The following MITF variants were observed in gnomAD, a reference collection of about 807,000 sequenced individuals.
MITF encodes melanocyte inducing transcription factor.
Under a neutral mutation model 60.5 loss-of-function variants are expected in MITF, and 17 were observed. The ratio of observed to expected loss-of-function variants is 0.28; its 90% CI spans 0.19 to 0.42. The LOEUF (loss-of-function observed/expected upper bound fraction) is 0.42, where lower values mean the gene tolerates loss of function less well. Ranked by LOEUF, MITF falls within the 10% of genes least tolerant of loss-of-function variation. The probability of loss-of-function intolerance (pLI) is 1.00; values close to 1 mark genes in which losing one functional copy is unlikely to be tolerated. For missense variants in MITF, 622 were observed against 683.5 expected (o/e 0.91, Z 1.00); for synonymous variants, 260 against 248.5 (o/e 1.05, Z -0.43).
intron 2 of MITF, among the ~76,000 whole-genome samples, chr3:69,926,574 A>C (rs959610694): frequency 3.9e-5 from 6 of 152,176 alleles, no homozygotes; most frequent in Non-Finnish European, 7.3e-5. Context: ...AAATGGTACA[A>C]CAAAAAGACG....
At chr3:69,873,115 A>G (rs1261267104) in intron 1 of MITF, among the ~76,000 whole-genome samples, 1 of 152,196 alleles carries the variant, frequency 6.6e-6, no homozygotes, top group Non-Finnish European at 1.5e-5. Flanking sequence ...CTAAAACCCA[A>G]GTTAGGTGTT....
At chr3:69,908,366 C>A (rs2065147117) in intron 2 of MITF, among the ~76,000 whole-genome samples, 2 of 151,950 alleles carry the variant, frequency 1.3e-5, no homozygotes, top group South Asian at 2.1e-4. Flanking sequence ...AAAAAAAAAA[C>A]TCTTCTACAT....
At chr3:69,958,109 G>T (rs2066444806) in intron 8 of MITF, among the ~76,000 whole-genome samples, 1 of 152,162 alleles carries the variant, frequency 6.6e-6, no homozygotes, top group African/African-American at 2.4e-5. Flanking sequence ...TGATTGATTG[G>T]ATCTCACAAG....
chr3:69,829,298 T>C (rs1208002530), intron 1 of MITF, among the ~76,000 whole-genome samples: 1 of 152,214 alleles, frequency 6.6e-6, no homozygotes, highest in Admixed American at 6.5e-5. Flanking sequence ...ACCTGCATCA[T>C]GATGACAGAA....
At chr3:69,753,962 G>A (rs936908339) in intron 1 of MITF, among the ~76,000 whole-genome samples, 1 of 152,166 alleles carries the variant, frequency 6.6e-6, no homozygotes, top group African/African-American at 2.4e-5. Flanking sequence ...AGCCATGATT[G>A]TATTTTGCAA....
intron 1 of MITF, among the ~76,000 whole-genome samples, chr3:69,797,677 C>T (rs945622089): frequency 6.6e-6 from 1 of 152,176 alleles, no homozygotes; most frequent in Non-Finnish European, 1.5e-5. Context: ...GACACTTTCA[C>T]TGTACATTTT....
At chr3:69,830,342 T>C (rs1285535071) in intron 1 of MITF, among the ~76,000 whole-genome samples, 2 of 152,108 alleles carry the variant, frequency 1.3e-5, no homozygotes, top group East Asian at 3.9e-4. Context: ...CTCACCTGGG[T>C]GTGTACTTCC....
intron 1 of MITF, among the ~76,000 whole-genome samples, chr3:69,857,798 G>A (rs909555327): frequency 1.3e-5 from 2 of 152,094 alleles, no homozygotes; most frequent in African/African-American, 2.4e-5. Context: ...TGGGACATAG[G>A]AGGTGCTCAA....
intron 5 of MITF, among the ~76,000 whole-genome samples, chr3:69,942,591 C>G (rs2107494265): frequency 6.6e-6 from 1 of 152,122 alleles, no homozygotes; most frequent in African/African-American, 2.4e-5. Flanking sequence ...CTACTTTCTA[C>G]CCATTTAAAC....
intron 1 of MITF, among the ~76,000 whole-genome samples, chr3:69,859,459 C>A (rs1350314240): frequency 6.6e-6 from 1 of 152,154 alleles, no homozygotes; most frequent in Non-Finnish European, 1.5e-5. Context: ...CTTCTGGCTC[C>A]TCCTTGGACC....
At chr3:69,746,533 T>G (rs961425472) in intron 1 of MITF, among the ~76,000 whole-genome samples, 2 of 152,158 alleles carry the variant, frequency 1.3e-5, no homozygotes, top group African/African-American at 4.8e-5. Context: ...TATGTTTGTG[T>G]GTGTGAGGTA....
intron 6 of MITF, among the ~76,000 whole-genome samples, chr3:69,951,201 G>A (rs1033324420): frequency 6.7e-6 from 1 of 149,390 alleles, no homozygotes; most frequent in Non-Finnish European, 1.5e-5. Context: ...GGGCTCAAGT[G>A]ATCCTCCCAC....
chr3:69,793,254 A>T (rs2062771692), intron 1 of MITF, among the ~76,000 whole-genome samples: 1 of 152,088 alleles, frequency 6.6e-6, no homozygotes, highest in Non-Finnish European at 1.5e-5. Flanking sequence ...AGGCTCAAGC[A>T]GTCTGCCTGC....
At chr3:69,910,081 C>T (rs1226727734) in intron 2 of MITF, among the ~76,000 whole-genome samples, 2 of 152,186 alleles carry the variant, frequency 1.3e-5, no homozygotes, top group Non-Finnish European at 2.9e-5. Flanking sequence ...CAGCACAATC[C>T]CTGTGCTGTG....
intron 2 of MITF, among the ~76,000 whole-genome samples, chr3:69,914,146 G>T (rs1413959775): frequency 1.3e-5 from 2 of 152,126 alleles, no homozygotes; most frequent in Middle Eastern, 3.4e-3. Flanking sequence ...TTTTGAGTTG[G>T]AGTCTCACTT....
At chr3:69,773,695 G>A (rs1325631037) in intron 1 of MITF, among the ~76,000 whole-genome samples, 1 of 152,070 alleles carries the variant, frequency 6.6e-6, no homozygotes, top group East Asian at 1.9e-4. Flanking sequence ...TTATCTTTCT[G>A]TGCTTTATTT....
intron 1 of MITF, among the ~76,000 whole-genome samples, chr3:69,852,861 T>C (rs1235054763): frequency 1.3e-5 from 2 of 152,180 alleles, no homozygotes; most frequent in Non-Finnish European, 2.9e-5. Context: ...GAATACGTAG[T>C]GTTTTTTTGA....
chr3:69,853,827 G>C, intron 1 of MITF, among the ~76,000 whole-genome samples: 1 of 147,086 alleles, frequency 6.8e-6, no homozygotes, highest in East Asian at 2.0e-4. Flanking sequence ...GATGCATTGT[G>C]TTAATATTAT....
intron 2 of MITF, among the ~76,000 whole-genome samples, chr3:69,895,844 GTGTGTA>G (rs1245067020): frequency 1.3e-5 from 2 of 150,040 alleles, no homozygotes; most frequent in African/African-American, 4.9e-5. Context: ...GTGTGTGTGT[GTGTGTA>G]TGTGTGTGTT....
Sources: gnomAD v4.1 joint callset for allele counts (sites outside exome capture counted in the v4.1 genomes callset) on GRCh38, gnomAD v4.1.1 for gene constraint, MANE v1.5 for transcripts, NCBI Gene and HGNC (gene_info 2026-07-23, HGNC 2026-07-21) for gene names.